The following NAV1 variants were observed in gnomAD, a reference collection of about 807,000 sequenced individuals.
NAV1 encodes the protein neuron navigator 1, also known as pore membrane and/or filament interacting like protein 3.
In NAV1, 18 loss-of-function variants were observed where a neutral mutation model predicts 175.2. The observed-to-expected ratio is 0.10, with a 90% CI of 0.07 to 0.15. NAV1 has a LOEUF of 0.15. Among genes scored for constraint, NAV1 ranks in the 10% least tolerant of loss-of-function variants. The probability of loss-of-function intolerance (pLI) is 1.00; values close to 1 mark genes in which losing one functional copy is unlikely to be tolerated. For synonymous variants in NAV1, 897 were observed against 978.7 expected, an observed-to-expected ratio of 0.92 and a Z score of 1.56; for missense variants, 1,731 against 2,436.6, an observed-to-expected ratio of 0.71 and a Z score of 6.10.
intron 1 of NAV1, among the ~76,000 whole-genome samples, chr1:201,664,610 A>G (rs1669742710): frequency 6.6e-6 from 1 of 152,198 alleles, no homozygotes; most frequent in South Asian, 2.1e-4. Context: ...TTTATAGAGG[A>G]AGGAGTCATG....
chr1:201,715,076 T>G (rs1424876339), intron 2 of NAV1, among the ~76,000 whole-genome samples: 1 of 152,106 alleles, frequency 6.6e-6, no homozygotes, highest in Non-Finnish European at 1.5e-5. Context: ...ACTGTGGACC[T>G]AGAGCCACTT....
At chr1:201,679,795 A>G (rs1377620914) in intron 1 of NAV1, among the ~76,000 whole-genome samples, 1 of 152,152 alleles carries the variant, frequency 6.6e-6, no homozygotes, top group Admixed American at 6.5e-5. Flanking sequence ...TTTGCTTTGG[A>G]GTGATGCAAA....
chr1:201,549,077 C>CTCTTTCTTTCTTTCTTTCTT (rs200725995), intron 1 of NAV1, among the ~76,000 whole-genome samples: 3 of 130,012 alleles, frequency 2.3e-5, no homozygotes, highest in African/African-American at 6.0e-5. Flanking sequence ...TTCTAGTTTT[C>CTCTTTCTTTCTTTCTTTCTT]TCTTTCTTTC....
exon 30 of NAV1, chr1:201,822,517 G>C (rs1407307380): frequency 6.6e-6 from 1 of 152,582 alleles, no homozygotes; most frequent in Non-Finnish European, 1.5e-5. Context: ...CATTCCAACT[G>C]CCTCCGACCC....
intron 2 of NAV1, among the ~76,000 whole-genome samples, chr1:201,635,495 C>T (rs1668596662): frequency 6.6e-6 from 1 of 152,170 alleles, no homozygotes; most frequent in African/African-American, 2.4e-5. Context: ...ACCTGTGCAG[C>T]TGTACGTGAT....
intron 3 of NAV1, among the ~76,000 whole-genome samples, chr1:201,748,723 A>C (rs900541490): frequency 1.1e-4 from 16 of 152,224 alleles, no homozygotes; most frequent in South Asian, 1.0e-3. Flanking sequence ...TTACTGTGCC[A>C]GGGAGACAGT....
At chr1:201,696,281 C>G (rs1417309450) in intron 1 of NAV1, among the ~76,000 whole-genome samples, 1 of 152,190 alleles carries the variant, frequency 6.6e-6, no homozygotes, top group South Asian at 2.1e-4. Context: ...CAGGCTCCTG[C>G]ATTGGAATCG....
intron 1 of NAV1, among the ~76,000 whole-genome samples, chr1:201,553,662 C>G (rs112716027): frequency 3.0e-4 from 46 of 152,308 alleles, no homozygotes; most frequent in African/African-American, 7.9e-4. Context: ...CCTCCTGTCC[C>G]TTTTGTCAAT....
At chr1:201,554,381 A>G (rs1665952033) in intron 1 of NAV1, among the ~76,000 whole-genome samples, 1 of 152,198 alleles carries the variant, frequency 6.6e-6, no homozygotes, top group Non-Finnish European at 1.5e-5. Flanking sequence ...ACCGATGGGA[A>G]GCCAGCACAT....
chr1:201,747,538 C>T (rs943532158), intron 3 of NAV1, among the ~76,000 whole-genome samples: 6 of 152,056 alleles, frequency 3.9e-5, no homozygotes, highest in South Asian at 2.1e-4. Context: ...GACACAGTGG[C>T]GAAGACAGCA....
chr1:201,757,484 C>T (rs1345704673), intron 3 of NAV1, among the ~76,000 whole-genome samples: 1 of 152,122 alleles, frequency 6.6e-6, no homozygotes, highest in South Asian at 2.1e-4. Context: ...GAACTCCTGG[C>T]CTCGAGCGAT....
chr1:201,665,080 T>A (rs1669760103), intron 1 of NAV1, among the ~76,000 whole-genome samples: 1 of 152,188 alleles, frequency 6.6e-6, no homozygotes, highest in Non-Finnish European at 1.5e-5. Context: ...GCTGTCTGCC[T>A]TAAATTTGCA....
chr1:201,793,496 T>C (rs1677238659), intron 13 of NAV1: 2 of 354,858 alleles, frequency 5.6e-6, no homozygotes, highest in Admixed American at 4.1e-5. Context: ...AGCAGAGGGA[T>C]AGTCCTACCT....
At position 201,753,375 on chromosome 1, in the gene NAV1, C is replaced by G. The variant is rs571608742; in HGVS notation, c.1227-27046C>G. ...CCATAATTGGGTAACTAGAGAAGCC[C>G]CCATTTAATTAAATTCCGCTATCCA... On this transcript the variant is annotated intron_variant, in intron 3 of 29. Coordinates refer to ENST00000367296, the Ensembl canonical transcript of NAV1. Among the ~76,000 whole-genome samples, 5 of 152,132 alleles carry G rather than the reference C, an allele frequency of 3.3e-5. 1 individual carries two copies. Among genetic ancestry groups the G allele is most frequent in the African/African-American group, 1.2e-4 (5 of 41,494 alleles).
chr1:201,685,843 C>T lies in NAV1; in HGVS notation c.758-26974C>T, dbSNP rs183906757. 4.7e-4 allele frequency among the ~76,000 whole-genome samples: 72 copies of T among 152,276 alleles called. No individual in the cohort carries two copies. The Middle Eastern group carries it at 0.01, about 22-fold the overall frequency. ...TGCTCTTCGTATCCACGCTGAACCC[C>T]GTCCATTCTTCTGAATGCCCTGGGC... On this transcript the variant is annotated intron_variant, in intron 1 of 29. Coordinates refer to ENST00000367296, the Ensembl canonical transcript of NAV1.
chr1:201,630,194 C>T (rs934775203), intron 2 of NAV1, among the ~76,000 whole-genome samples: 6 of 152,124 alleles, frequency 3.9e-5, no homozygotes, highest in Admixed American at 2.6e-4. Flanking sequence ...CACTTACGGA[C>T]GTGTGCTGAT....
chr1:201,561,681 C>A (rs188445589), intron 1 of NAV1, among the ~76,000 whole-genome samples: 2 of 152,324 alleles, frequency 1.3e-5, no homozygotes, highest in East Asian at 3.9e-4. Flanking sequence ...AGGCAGTAGG[C>A]TTCCTGGGGG....
intron 1 of NAV1, among the ~76,000 whole-genome samples, chr1:201,554,447 T>C (rs1486795305): frequency 1.3e-5 from 2 of 152,134 alleles, no homozygotes; most frequent in Non-Finnish European, 1.5e-5. Context: ...GACCAACTAA[T>C]GGCTTGGAAG....
At chr1:201,744,749 T>A (rs1212776904) in intron 3 of NAV1, among the ~76,000 whole-genome samples, 1 of 152,178 alleles carries the variant, frequency 6.6e-6, no homozygotes, top group African/African-American at 2.4e-5. Context: ...CAAGAGCTTA[T>A]TTGAGGAAAG....
Sources: allele counts gnomAD v4.1 joint callset (sites outside exome capture counted in the v4.1 genomes callset), GRCh38; gene constraint gnomAD v4.1.1; transcripts MANE v1.5; gene names NCBI Gene and HGNC (gene_info 2026-07-23, HGNC 2026-07-21).